Variants in GAS7 observed in about 807,000 individuals in gnomAD.
GAS7 encodes the protein growth arrest specific 7.
A neutral mutation model predicts 71.1 loss-of-function variants in GAS7; 28 were observed. The ratio of observed to expected loss-of-function variants is 0.39; its 90% CI spans 0.29 to 0.54. The LOEUF (loss-of-function observed/expected upper bound fraction) is 0.54. GAS7 is among the 20% of genes least tolerant of loss of function. GAS7 has a pLI of 0.62. For missense variants in GAS7, 436 were observed against 627.8 expected (o/e 0.69, Z 3.27); for synonymous variants, 258 against 245.8 (o/e 1.05, Z -0.46).
chr17:10,078,886 C>T (rs541872084), intron 1 of GAS7, among the ~76,000 whole-genome samples: 1 of 151,796 alleles, frequency 6.6e-6, no homozygotes, highest in Non-Finnish European at 1.5e-5. Flanking sequence ...TCTATCTCTA[C>T]AAAAAAAAAT....
intron 2 of GAS7, among the ~76,000 whole-genome samples, chr17:10,009,318 C>CAAAAAAAAAAAAAAA (rs541133967): frequency 3.8e-5 from 3 of 78,550 alleles, no homozygotes; most frequent in East Asian, 3.8e-4. Flanking sequence ...GAGACTCCGT[C>CAAAAAAAAAAAAAAA]AAAAAAAAAA....
At chr17:10,100,216 T>C (rs1225187083) in intron 1 of GAS7, among the ~76,000 whole-genome samples, 1 of 152,258 alleles carries the variant, frequency 6.6e-6, no homozygotes, top group Non-Finnish European at 1.5e-5. Context: ...ATTATATTTC[T>C]AGCTCAACCT....
In GAS7 at chr17:9,911,705, T is replaced by G. The variant is rs2067440724; in HGVS notation, c.*5523A>C. 1 of 232,310 alleles carries G rather than the reference T, an allele frequency of 4.3e-6. No homozygotes were observed. The highest frequency in any genetic ancestry group is 8.5e-6 in the Non-Finnish European group (1 of 117,634). The allele number at this position is 232,310 out of a possible 1,614,324, so 14.4% of individuals were successfully genotyped here. On this transcript the variant is annotated 3_prime_UTR_variant, in exon 14 of 14. Coordinates refer to ENST00000432992, the MANE Select transcript of GAS7 (RefSeq NM_201433.2). The surrounding 1 kb of genome is among the most constrained non-coding windows in gnomAD (Gnocchi z 4.0). ...CCCGGCAAATTTCAACCCAGCAGAGTCCTGGCAGCCTCTTCGGCTCCCTAC... is the reference window on the plus strand; with the variant it reads ...CCCGGCAAATTTCAACCCAGCAGAGGCCTGGCAGCCTCTTCGGCTCCCTAC...
At chr17:10,115,195 G>C (rs745795445) in intron 1 of GAS7, among the ~76,000 whole-genome samples, 3 of 152,242 alleles carry the variant, frequency 2.0e-5, no homozygotes, top group Non-Finnish European at 4.4e-5. Context: ...TGGGATGGAG[G>C]AAAACAGCTC....
chr17:10,086,721 A>T (rs1406443559), intron 1 of GAS7, among the ~76,000 whole-genome samples: 1 of 152,242 alleles, frequency 6.6e-6, no homozygotes, highest in Non-Finnish European at 1.5e-5. Flanking sequence ...ATTCTGGCAG[A>T]TCCTGCCATG....
intron 6 of GAS7, among the ~76,000 whole-genome samples, chr17:9,946,511 G>A (rs1024696146): frequency 6.6e-6 from 1 of 152,168 alleles, no homozygotes; most frequent in African/African-American, 2.4e-5. Flanking sequence ...TGAGAACACT[G>A]AGGCCCAAGG....
intron 1 of GAS7, among the ~76,000 whole-genome samples, chr17:10,161,777 T>C (rs2074257688): frequency 6.6e-6 from 1 of 152,152 alleles, no homozygotes; most frequent in African/African-American, 2.4e-5. Context: ...CAAAAACGCC[T>C]TCCCAGGCCG....
At chr17:10,025,917 G>C (rs2072447449) in intron 1 of GAS7, among the ~76,000 whole-genome samples, 1 of 152,144 alleles carries the variant, frequency 6.6e-6, no homozygotes, top group African/African-American at 2.4e-5. Context: ...ACAGTGTTGG[G>C]CTGCACAGTG....
chr17:10,159,791 T>TC lies in GAS7; in HGVS notation c.183+38416_183+38417insG, dbSNP rs1202109934. ...CTATACACATGAAGTGTGACCTTTT[T>TC]TTTTTTTTTTTTGAGACAGTGTCTC... On this transcript the variant is annotated intron_variant, in intron 1 of 13. Coordinates refer to ENST00000432992, the MANE Select transcript of GAS7 (RefSeq NM_201433.2). Among the ~76,000 whole-genome samples, 8 of 150,976 alleles carry TC rather than the reference T, an allele frequency of 5.3e-5. No homozygotes were observed. In the East Asian group the frequency reaches 1.6e-3, roughly 29 times the overall value.
chr17:10,076,852 C>CTT (rs35927525), intron 1 of GAS7, among the ~76,000 whole-genome samples: 82,981 of 151,680 alleles, frequency 0.55, 23,425 homozygotes, highest in African/African-American at 0.68. Context: ...TCACCAGAGC[C>CTT]GGAATCAAGC....
intron 12 of GAS7, 28 bp from the exon 13 acceptor site, chr17:9,918,127 T>C: frequency 1.3e-6 from 2 of 1,530,422 alleles, no homozygotes; most frequent in Non-Finnish European, 1.8e-6. Context: ...GCCAGAGAAC[T>C]CTGAGCACGT....
chr17:10,003,229 G>C (rs1007147422), intron 2 of GAS7, among the ~76,000 whole-genome samples: 4 of 152,158 alleles, frequency 2.6e-5, no homozygotes, highest in African/African-American at 9.7e-5. Flanking sequence ...GAGGAGCCTG[G>C]GGGTTCCGCA....
At chr17:10,055,316 G>C (rs1391568766) in intron 1 of GAS7, among the ~76,000 whole-genome samples, 1 of 152,212 alleles carries the variant, frequency 6.6e-6, no homozygotes, top group African/African-American at 2.4e-5. Context: ...CAAACCTGCA[G>C]AGGTAGGGAG....
At chr17:10,190,214 G>A (rs1317543434) in intron 1 of GAS7, among the ~76,000 whole-genome samples, 1 of 152,150 alleles carries the variant, frequency 6.6e-6, no homozygotes, top group Non-Finnish European at 1.5e-5. Context: ...TTTGCCTCAT[G>A]GCCCACACAG....
At chr17:10,015,208 A>T (rs1272480019) in intron 2 of GAS7, among the ~76,000 whole-genome samples, 1 of 152,178 alleles carries the variant, frequency 6.6e-6, no homozygotes, top group Admixed American at 6.5e-5. Context: ...AAGGTAATAC[A>T]AATGTAAATT....
At chr17:10,133,122 A>ATATATATATATATTT (rs1392845338) in intron 1 of GAS7, among the ~76,000 whole-genome samples, 47 of 118,914 alleles carry the variant, frequency 4.0e-4, no homozygotes, top group African/African-American at 1.4e-3. Flanking sequence ...ATATTTTTAT[A>ATATATATATATATTT]TTTTTTTTTT....
chr17:10,026,326 C>A lies in GAS7; in HGVS notation c.184-6429G>T. 1.0e-6 allele frequency: 1 copy of A among 978,736 alleles called. No homozygotes were observed. Among genetic ancestry groups the A allele is most frequent in the Non-Finnish European group, 1.2e-6 (1 of 823,906 alleles). 60.6% of individuals were successfully genotyped at this position (978,736 alleles called of 1,614,324 possible). On this transcript the variant is annotated intron_variant, in intron 1 of 13. Transcript: ENST00000432992. The surrounding 1 kb of genome is among the most constrained non-coding windows in gnomAD (Gnocchi z 4.5). ...AAGCATATCCACAGGGCCCCACACCCCCACTCCCCCCACACCCAGATCTAT... is the reference window on the plus strand; with the variant it reads ...AAGCATATCCACAGGGCCCCACACCACCACTCCCCCCACACCCAGATCTAT...
Position 10,198,175 on chromosome 17 carries a change from C to G in GAS7, c.183+33G>C, listed in dbSNP as rs780298977. 2.5e-6 allele frequency: 4 copies of G among 1,594,980 alleles called. No individual in the cohort carries two copies. In the East Asian group the frequency reaches 6.7e-5, roughly 27 times the overall value. On this transcript the variant is annotated intron_variant, in intron 1 of 13. Coordinates refer to ENST00000432992, the MANE Select transcript of GAS7 (RefSeq NM_201433.2). Reference sequence around the variant, plus strand: ...CGCGAGCGCACCGAGGACCGCAGCCCCGGCTCCTACAGCCCCGGCCCTCGC... The same window carrying G: ...CGCGAGCGCACCGAGGACCGCAGCCGCGGCTCCTACAGCCCCGGCCCTCGC...
intron 1 of GAS7, among the ~76,000 whole-genome samples, chr17:10,174,536 CA>C (rs2074357931): frequency 6.6e-6 from 1 of 151,996 alleles, no homozygotes; most frequent in East Asian, 1.9e-4. Flanking sequence ...ACTAAAAATA[CA>C]AAAAATTAGC....
Sources: gnomAD v4.1 joint callset for allele counts (sites outside exome capture counted in the v4.1 genomes callset) on GRCh38, gnomAD v4.1.1 for gene constraint, Gnocchi (gnomAD v3.1) non-coding constraint, MANE v1.5 for transcripts, NCBI Gene and HGNC (gene_info 2026-07-23, HGNC 2026-07-21) for gene names.